THAP8: variants seen among roughly 807,000 people sequenced by gnomAD.
The protein encoded by THAP8 is THAP domain-containing protein 8.
In THAP8, 24 loss-of-function variants were observed where a neutral mutation model predicts 25.0. The ratio of observed to expected loss-of-function variants is 0.96; its 90% CI spans 0.69 to 1.35. THAP8 has a LOEUF of 1.35. Ranked by LOEUF, THAP8 falls within the 40% of genes most tolerant of loss-of-function variation. THAP8 has a pLI of 0.00. For synonymous variants in THAP8, 169 were observed against 157.6 expected (o/e 1.07, Z -0.54); for missense variants, 399 against 368.8 (o/e 1.08, Z -0.67).
At chr19:36,039,216 G>T in intron 3 of THAP8, 107 bp downstream of exon 3, 1 of 1,364,140 alleles carries the variant, frequency 7.3e-7, no homozygotes, top group Non-Finnish European at 9.5e-7. Context: ...TTGGAAACAC[G>T]GCTGAATGTT....
At position 36,040,042 on chromosome 19, in the gene THAP8, C is replaced by T. The variant is rs780241999; in HGVS notation, c.178G>A (p.Glu60Lys). Residue 60 changes from glutamate to lysine, a missense_variant, in exon 2 of 4, where the codon GAG becomes AAG. Transcript: ENST00000292894. Reference sequence around the variant, plus strand: ...TGGAAGCAGGAGGGTGTGAAGTGCTCGCTGCACAAGTGCTGGTGGCAGCTG... The same window carrying T: ...TGGAAGCAGGAGGGTGTGAAGTGCTTGCTGCACAAGTGCTGGTGGCAGCTG... Reference protein sequence around the residue: ...VPSCHQHLCSEHFTPSCFQWR... With the variant: ...VPSCHQHLCSKHFTPSCFQWR... 9 of 1,613,628 alleles carry T rather than the reference C, an allele frequency of 5.6e-6. No individual in the cohort carries two copies. Among genetic ancestry groups the T allele is most frequent in the African/African-American group, 4.0e-5 (3 of 74,906 alleles).
Position 36,054,274 on chromosome 19 carries a change from G to A in THAP8, c.-57C>T, listed in dbSNP as rs375016499. The stretch of plus-strand genomic sequence containing the variant: ...TCAGCGGCTGCACTTTGGTTCTCGC[G>A]GAGCGCCGCCTAACCCCGCCCCACC... On this transcript the variant is annotated 5_prime_UTR_variant, in exon 1 of 4. Coordinates refer to ENST00000292894, the MANE Select transcript of THAP8 (RefSeq NM_152658.3). 5.7e-3 allele frequency: 8,855 copies of A among 1,566,102 alleles called. 36 individuals are homozygous for A. Among genetic ancestry groups the A allele is most frequent in the Non-Finnish European group, 6.8e-3 (7,891 of 1,154,338 alleles).
At chr19:36,046,205 G>T (rs1599724283) in intron 1 of THAP8, among the ~76,000 whole-genome samples, 2 of 152,192 alleles carry the variant, frequency 1.3e-5, no homozygotes, top group African/African-American at 4.8e-5. Flanking sequence ...AAAAGTGGCA[G>T]TTCCCCTCTT....
rs919549178 is a variant in THAP8 at position 36,037,030 on chromosome 19, C to G, written c.673-1438G>C. ...GAGCCCCTTCAGTGAGTCTAGCATTCAGAGCTCTGTGTGGGCATCTCTCTC... is the reference window on the plus strand; with the variant it reads ...GAGCCCCTTCAGTGAGTCTAGCATTGAGAGCTCTGTGTGGGCATCTCTCTC... On this transcript the variant is annotated intron_variant, in intron 3 of 3. Coordinates refer to ENST00000292894, the MANE Select transcript of THAP8 (RefSeq NM_152658.3). Among the ~76,000 whole-genome samples, 4 of 151,784 alleles carry G rather than the reference C, an allele frequency of 2.6e-5. No homozygotes were observed. In the East Asian group the frequency reaches 7.7e-4, roughly 29 times the overall value.
chr19:36,050,720 A>C (rs1343184206), intron 1 of THAP8, among the ~76,000 whole-genome samples: 2 of 152,226 alleles, frequency 1.3e-5, no homozygotes, highest in Non-Finnish European at 2.9e-5. Context: ...CTTTGTGTCC[A>C]GCAGGGGCTT....
At chr19:36,054,400 C>G (rs1215897813), upstream of THAP8, 2 of 667,468 alleles carry the variant, frequency 3.0e-6, no homozygotes, top group Non-Finnish European at 5.2e-6. Context: ...CACAGTGCCA[C>G]AGTCCCGCCC....
chr19:36,051,719 A>C (rs1323195698), intron 1 of THAP8, among the ~76,000 whole-genome samples: 1 of 152,122 alleles, frequency 6.6e-6, no homozygotes, highest in Non-Finnish European at 1.5e-5. Flanking sequence ...TGTCAGATTT[A>C]TTTACAATGG....
chr19:36,044,792 C>T (rs571216266), intron 1 of THAP8, among the ~76,000 whole-genome samples: 17 of 152,286 alleles, frequency 1.1e-4, no homozygotes, highest in African/African-American at 3.9e-4. Context: ...ACACCCCACC[C>T]CTGCTCTCTC....
rs771247272 is a variant in THAP8 at position 36,035,502 on chromosome 19, G to C, written c.763C>G (p.Pro255Ala). ...PDIAMVLAQD[P>A]APATVDAKPE... is the part of the protein sequence containing the mutation. ...TTGGCATCCACTGTGGCAGGTGCAG[G>C]GTCCTGGGCAAGGACCATGGCTATG... The change falls in exon 4 of 4, where the codon CCT becomes GCT. Residue 255 changes from proline to alanine, a missense_variant. Physicochemically the swap from Pro to Ala is conservative, Grantham distance 27. Transcript: ENST00000292894. 1.2e-6 allele frequency: 2 copies of C among 1,614,164 alleles called. No homozygotes were observed. Among genetic ancestry groups the C allele is most frequent in the Admixed American group, 1.7e-5 (1 of 60,012 alleles).
At chr19:36,036,673 G>A (rs1020981629) in intron 3 of THAP8, among the ~76,000 whole-genome samples, 1 of 152,186 alleles carries the variant, frequency 6.6e-6, no homozygotes, top group South Asian at 2.1e-4. Context: ...GGGCATGGTG[G>A]CTCATACCTG....
intron 1 of THAP8, among the ~76,000 whole-genome samples, chr19:36,053,266 C>A (rs1970120523): frequency 6.8e-6 from 1 of 146,704 alleles, no homozygotes; most frequent in Admixed American, 7.1e-5. Context: ...CGGGGTTTCA[C>A]CATGTTGGCC....
intron 1 of THAP8, among the ~76,000 whole-genome samples, chr19:36,041,395 CA>C (rs1253721639): frequency 6.6e-6 from 1 of 151,638 alleles, no homozygotes; most frequent in Non-Finnish European, 1.5e-5. Context: ...TGTTAGAAAT[CA>C]GTCTGAAATA....
At chr19:36,048,356 G>A (rs1969943362) in intron 1 of THAP8, among the ~76,000 whole-genome samples, 1 of 151,270 alleles carries the variant, frequency 6.6e-6, no homozygotes, top group Admixed American at 6.6e-5. Flanking sequence ...GCAACATAGT[G>A]GGACTTCATT....
intron 1 of THAP8, among the ~76,000 whole-genome samples, chr19:36,050,641 G>C (rs142991117): frequency 1.4e-4 from 22 of 152,302 alleles, no homozygotes; most frequent in African/African-American, 5.1e-4. Context: ...CACGTACTCA[G>C]TTCCTCAATG....
intron 1 of THAP8, among the ~76,000 whole-genome samples, chr19:36,053,166 C>T (rs528819818): frequency 6.6e-6 from 1 of 152,120 alleles, no homozygotes; most frequent in Admixed American, 6.5e-5. Context: ...CTTCTGGATT[C>T]ATGCGATTCT....
Position 36,047,434 on chromosome 19 carries a change from C to T in THAP8, c.83+6701G>A, listed in dbSNP as rs1473593113. 7.2e-5 allele frequency among the ~76,000 whole-genome samples: 11 copies of T among 152,266 alleles called. No homozygotes were observed. In the East Asian group the frequency reaches 1.9e-3, roughly 27 times the overall value. On this transcript the variant is annotated intron_variant, in intron 1 of 3. Transcript: ENST00000292894. ...TGCTCTTCCTCCCTTCCCTTTTCCTCCTATAAGGAATGGTGGCAGTGGTGG... is the reference window on the plus strand; with the variant it reads ...TGCTCTTCCTCCCTTCCCTTTTCCTTCTATAAGGAATGGTGGCAGTGGTGG...
chr19:36,050,495 A>G (rs756383878), intron 1 of THAP8, among the ~76,000 whole-genome samples: 15 of 152,168 alleles, frequency 9.9e-5, no homozygotes, highest in Non-Finnish European at 2.1e-4. Flanking sequence ...ATTTGTGTTT[A>G]TAACTGTCTT....
At chr19:36,054,709 GTCTGGATGAAAGACC>G (rs1286601506), upstream of THAP8, 3 of 591,610 alleles carry the variant, frequency 5.1e-6, no homozygotes, top group Non-Finnish European at 9.0e-6. Context: ...TGAAAACGCA[GTCTGGATGAAAGACC>G]CCATGACGCT....
intron 1 of THAP8, 61 bp from the exon 2 acceptor site, chr19:36,040,197 G>T: frequency 6.7e-7 from 1 of 1,496,594 alleles, no homozygotes; most frequent in Non-Finnish European, 8.9e-7. Flanking sequence ...CCCTCCCAGA[G>T]GATACCCACC....
Sources: gnomAD v4.1 joint callset for allele counts (sites outside exome capture counted in the v4.1 genomes callset) on GRCh38, gnomAD v4.1.1 for gene constraint, MANE v1.5 for transcripts, NCBI Gene and HGNC (gene_info 2026-07-23, HGNC 2026-07-21) for gene names.